CNTNAP2: variants seen among roughly 807,000 people sequenced by gnomAD.
CNTNAP2 encodes contactin associated protein 2.
A neutral mutation model predicts 155.2 loss-of-function variants in CNTNAP2; 98 were observed. The ratio of observed to expected loss-of-function variants is 0.63; its 90% CI spans 0.54 to 0.75. The LOEUF (loss-of-function observed/expected upper bound fraction) is 0.75, where lower values mean the gene tolerates loss of function less well. Ranked by LOEUF, CNTNAP2 falls within the 30% of genes least tolerant of loss-of-function variation. CNTNAP2 has a pLI of 0.00. For synonymous variants in CNTNAP2, 651 were observed against 631.2 expected, an observed-to-expected ratio of 1.03 and a Z score of -0.47; for missense variants, 1,727 against 1,688.1, an observed-to-expected ratio of 1.02 and a Z score of -0.40.
chr7:147,269,443 C>T (rs912164603), intron 8 of CNTNAP2, among the ~76,000 whole-genome samples: 3 of 152,122 alleles, frequency 2.0e-5, no homozygotes, highest in Admixed American at 6.6e-5. Context: ...ACAGACACAG[C>T]ACCTTCTATC....
At chr7:146,825,011 T>C (rs191099876) in intron 2 of CNTNAP2, among the ~76,000 whole-genome samples, 11 of 152,194 alleles carry the variant, frequency 7.2e-5, no homozygotes, top group African/African-American at 9.6e-5. Context: ...TCTGTGTTTA[T>C]GAATGTAACA....
Position 147,147,722 on chromosome 7 carries a change from A to C in CNTNAP2, c.1348+15213A>C, listed in dbSNP as rs557112807. Among the ~76,000 whole-genome samples the C allele has an allele frequency of 2.6e-5, 4 of 152,214 alleles. No individual in the cohort carries two copies. In the South Asian group the frequency reaches 8.3e-4, roughly 32 times the overall value. ...GGCCTCTTGTTTTGCTACTGATAACACCTGACATGCTACTGCCTTTCTATA... is the reference window on the plus strand; with the variant it reads ...GGCCTCTTGTTTTGCTACTGATAACCCCTGACATGCTACTGCCTTTCTATA... On this transcript the variant is annotated intron_variant, in intron 8 of 23. Coordinates refer to ENST00000361727, the MANE Select transcript of CNTNAP2 (RefSeq NM_014141.6).
intron 13 of CNTNAP2, among the ~76,000 whole-genome samples, chr7:147,682,166 C>T (rs1053980777): frequency 5.9e-5 from 9 of 151,910 alleles, no homozygotes; most frequent in South Asian, 2.1e-4. Context: ...AGTACATAAA[C>T]GGCTTAAAAA....
intron 1 of CNTNAP2, among the ~76,000 whole-genome samples, chr7:146,622,265 ATCTATCTATCTATC>A (rs145081964): frequency 0.13 from 19,228 of 146,674 alleles, 1,610 homozygotes; most frequent in African/African-American, 0.25. Flanking sequence ...CTATCTATCT[ATCTATCTATCTATC>A]TATATATATA....
At chr7:147,003,896 A>C (rs1339733843) in intron 3 of CNTNAP2, among the ~76,000 whole-genome samples, 1 of 151,940 alleles carries the variant, frequency 6.6e-6, no homozygotes, top group African/African-American at 2.4e-5. Flanking sequence ...TCCAGGCATG[A>C]TGGTGCATAT....
At chr7:147,108,923 C>T (rs1800821416) in intron 5 of CNTNAP2, among the ~76,000 whole-genome samples, 1 of 152,084 alleles carries the variant, frequency 6.6e-6, no homozygotes, top group Non-Finnish European at 1.5e-5. Context: ...CAAAAGCACG[C>T]TCAAGAAGCA....
intron 11 of CNTNAP2, among the ~76,000 whole-genome samples, chr7:147,496,010 A>G (rs1015005582): frequency 1.3e-5 from 2 of 152,104 alleles, no homozygotes; most frequent in Non-Finnish European, 2.9e-5. Flanking sequence ...TGTAGGTTGC[A>G]TGTTCCTTAT....
chr7:146,790,862 C>T (rs1482075508), intron 2 of CNTNAP2, among the ~76,000 whole-genome samples: 1 of 152,002 alleles, frequency 6.6e-6, no homozygotes, highest in African/African-American at 2.4e-5. Flanking sequence ...AGCCACCACG[C>T]CTGGCCGATT....
chr7:148,112,603 C>G (rs980030671), intron 15 of CNTNAP2, among the ~76,000 whole-genome samples: 12 of 152,110 alleles, frequency 7.9e-5, no homozygotes, highest in Admixed American at 2.0e-4. Context: ...CTGTGTTGCC[C>G]AGGCTGGTCT....
intron 1 of CNTNAP2, among the ~76,000 whole-genome samples, chr7:146,194,153 G>A (rs1004034824): frequency 1.3e-5 from 2 of 152,244 alleles, no homozygotes; most frequent in East Asian, 1.9e-4. Context: ...ACTGTTCCAA[G>A]CTCTGCCTGT....
chr7:148,124,945 G>A (rs1417556155), intron 16 of CNTNAP2, among the ~76,000 whole-genome samples: 3 of 152,110 alleles, frequency 2.0e-5, no homozygotes, highest in Admixed American at 6.6e-5. Flanking sequence ...ATTCTAGGAG[G>A]AAGAGGCAAT....
At chr7:146,553,256 T>C (rs1798147633) in intron 1 of CNTNAP2, among the ~76,000 whole-genome samples, 1 of 152,100 alleles carries the variant, frequency 6.6e-6, no homozygotes, top group African/African-American at 2.4e-5. Flanking sequence ...TATTTATGTC[T>C]ATTCTTGAAT....
intron 9 of CNTNAP2, among the ~76,000 whole-genome samples, chr7:147,348,238 G>A (rs1269484820): frequency 6.6e-6 from 1 of 151,856 alleles, no homozygotes; most frequent in Admixed American, 6.6e-5. Flanking sequence ...CAGAATGGAA[G>A]AAATATTTTC....
chr7:147,590,459 TTCTC>T (rs1418469510), intron 12 of CNTNAP2, among the ~76,000 whole-genome samples: 2 of 152,126 alleles, frequency 1.3e-5, no homozygotes, highest in African/African-American at 4.8e-5. Flanking sequence ...TTAGCACTCA[TTCTC>T]TCTCCTGCTG....
intron 13 of CNTNAP2, among the ~76,000 whole-genome samples, chr7:147,836,685 G>A (rs1213972334): frequency 6.6e-6 from 1 of 152,166 alleles, no homozygotes; most frequent in Non-Finnish European, 1.5e-5. Flanking sequence ...GGCAGGCACA[G>A]GACATTTTGC....
intron 1 of CNTNAP2, among the ~76,000 whole-genome samples, chr7:146,413,796 G>A (rs1795899631): frequency 6.6e-6 from 1 of 152,074 alleles, no homozygotes; most frequent in Non-Finnish European, 1.5e-5. Flanking sequence ...TTCAAAATAA[G>A]CCTTTAAAAG....
At chr7:147,383,440 A>T (rs1386799327) in intron 9 of CNTNAP2, among the ~76,000 whole-genome samples, 1 of 152,194 alleles carries the variant, frequency 6.6e-6, no homozygotes, top group East Asian at 1.9e-4. Context: ...AAGGTTTGTG[A>T]ATTTTGTGTC....
chr7:146,612,975 A>C (rs527815948), intron 1 of CNTNAP2, among the ~76,000 whole-genome samples: 1 of 138,838 alleles, frequency 7.2e-6, no homozygotes, highest in Non-Finnish European at 1.6e-5. Context: ...TTCTGTGTTT[A>C]GTAGCTATCC....
chr7:147,139,167 T>C (rs1204509986), intron 8 of CNTNAP2, among the ~76,000 whole-genome samples: 1 of 152,068 alleles, frequency 6.6e-6, no homozygotes, highest in Non-Finnish European at 1.5e-5. Context: ...AGTTAACAGA[T>C]AATATTGTAT....
Sources: gnomAD v4.1 joint callset for allele counts (sites outside exome capture counted in the v4.1 genomes callset) on GRCh38, gnomAD v4.1.1 for gene constraint, MANE v1.5 for transcripts, NCBI Gene and HGNC (gene_info 2026-07-23, HGNC 2026-07-21) for gene names.